NBAS: variants seen among roughly 807,000 people sequenced by gnomAD.
NBAS encodes NAG/BC035112 fusion.
Under a neutral mutation model 302.5 loss-of-function variants are expected in NBAS, and 219 were observed. The ratio of observed to expected loss-of-function variants is 0.72; its 90% CI spans 0.65 to 0.81. The LOEUF is 0.81. Ranked by LOEUF, NBAS falls within the 30% of genes least tolerant of loss-of-function variation. The pLI is 0.00. For synonymous variants in NBAS, 1,118 were observed against 1,021.6 expected, an observed-to-expected ratio of 1.09 and a Z score of -1.80; for missense variants, 2,932 against 2,841.6, an observed-to-expected ratio of 1.03 and a Z score of -0.72.
At chr2:15,170,352 T>A (rs530914763) in intron 51 of NBAS, among the ~76,000 whole-genome samples, 28 of 152,312 alleles carry the variant, frequency 1.8e-4, no homozygotes, top group Non-Finnish European at 3.4e-4. Context: ...AAGGGCAGGG[T>A]AGGCTGTCTT....
the NBAS span, among the ~76,000 whole-genome samples, chr2:15,115,681 T>G: frequency 6.6e-6 from 1 of 152,028 alleles, no homozygotes; most frequent in Non-Finnish European, 1.5e-5. Flanking sequence ...TAATTTTTTT[T>G]TTTAACTTTT....
the NBAS span, among the ~76,000 whole-genome samples, chr2:14,844,677 T>C: frequency 6.6e-6 from 1 of 152,070 alleles, no homozygotes; most frequent in Admixed American, 6.5e-5. Context: ...CCCACTGCCC[T>C]GAAGGGTGAG....
the NBAS span, among the ~76,000 whole-genome samples, chr2:15,070,832 T>C: frequency 1.9e-5 from 2 of 107,784 alleles, no homozygotes; most frequent in African/African-American, 5.1e-5. Flanking sequence ...AAAAGTACAG[T>C]TTCTTTGGAA....
the NBAS span, among the ~76,000 whole-genome samples, chr2:14,867,670 G>C: frequency 6.6e-6 from 1 of 152,292 alleles, no homozygotes; most frequent in Admixed American, 6.5e-5. Context: ...CATGATTGTT[G>C]TAAAAATGAG....
At chr2:14,995,731 T>C in the NBAS span, among the ~76,000 whole-genome samples, 5 of 152,158 alleles carry the variant, frequency 3.3e-5, no homozygotes, top group African/African-American at 9.7e-5. Flanking sequence ...ACTTCCCCCT[T>C]TTTTGATGCA....
chr2:15,372,657 G>A (rs566045355), intron 31 of NBAS, among the ~76,000 whole-genome samples: 22 of 152,212 alleles, frequency 1.4e-4, no homozygotes, highest in Non-Finnish European at 2.2e-4. Flanking sequence ...ATTCTAATAG[G>A]AAACTCCAAA....
chr2:15,435,948 GCAATAATTTTA>G (rs1280103066), intron 21 of NBAS, among the ~76,000 whole-genome samples: 1 of 152,076 alleles, frequency 6.6e-6, no homozygotes, highest in Non-Finnish European at 1.5e-5. Context: ...TAACATATAA[GCAATAATTTTA>G]ACTAACTTTA....
chr2:15,422,946 A>C (rs901777485), intron 23 of NBAS, among the ~76,000 whole-genome samples: 19 of 152,238 alleles, frequency 1.2e-4, no homozygotes, highest in African/African-American at 4.3e-4. Context: ...ATAACAGCAA[A>C]ACACATATAT....
intron 47 of NBAS, among the ~76,000 whole-genome samples, chr2:15,219,450 TC>T (rs1238982332): frequency 7.0e-6 from 1 of 142,392 alleles, no homozygotes; most frequent in African/African-American, 2.6e-5. Flanking sequence ...TCTCTGGTTT[TC>T]CTAGGCAGAG....
the NBAS span, among the ~76,000 whole-genome samples, chr2:15,106,343 G>C: frequency 6.6e-6 from 1 of 152,122 alleles, no homozygotes; most frequent in Non-Finnish European, 1.5e-5. Flanking sequence ...TAGAGGATGA[G>C]ACATTAAATC....
chr2:15,321,050 T>C (rs1671782121), intron 38 of NBAS, among the ~76,000 whole-genome samples: 3 of 152,084 alleles, frequency 2.0e-5, no homozygotes, highest in Admixed American at 1.3e-4. Flanking sequence ...AACAGAGATA[T>C]AGACCAATGG....
intron 44 of NBAS, among the ~76,000 whole-genome samples, chr2:15,239,058 T>C (rs1667736821): frequency 2.0e-5 from 3 of 152,024 alleles, no homozygotes; most frequent in Non-Finnish European, 4.4e-5. Flanking sequence ...GGCATAAAGA[T>C]TTTAACTGGA....
chr2:15,238,448 A>G lies in NBAS; in HGVS notation c.5943+20T>C, dbSNP rs776325647. 1 of 1,606,202 alleles carries G rather than the reference A, an allele frequency of 6.2e-7. No homozygotes were observed. The highest frequency in any genetic ancestry group is 8.5e-7 in the Non-Finnish European group (1 of 1,172,820). The stretch of plus-strand genomic sequence containing the variant: ...ATATACTGATACAGAGTGAGCATAT[A>G]GAAGTTCCCATTTCTTTACCTGCTC... On this transcript the variant is annotated intron_variant, in intron 45 of 51. Transcript: ENST00000281513.
the NBAS span, among the ~76,000 whole-genome samples, chr2:14,807,454 AGT>A: frequency 0.032 from 4,732 of 146,996 alleles, 131 homozygotes; most frequent in African/African-American, 0.074. Context: ...TGTGTGTGTG[AGT>A]GTGTGTGTGT....
chr2:15,277,461 A>C (rs1196901494), intron 42 of NBAS, among the ~76,000 whole-genome samples: 2 of 152,232 alleles, frequency 1.3e-5, no homozygotes, highest in Non-Finnish European at 2.9e-5. Context: ...ATTCATAAAA[A>C]GGGTTTAAAA....
intron 22 of NBAS, among the ~76,000 whole-genome samples, chr2:15,425,203 G>A (rs1386773289): frequency 6.6e-6 from 1 of 152,108 alleles, no homozygotes; most frequent in African/African-American, 2.4e-5. Flanking sequence ...ATGGGCATAT[G>A]TAAAAATGCT....
intron 21 of NBAS, among the ~76,000 whole-genome samples, chr2:15,435,432 A>G (rs1333503999): frequency 6.6e-6 from 1 of 152,232 alleles, no homozygotes; most frequent in East Asian, 1.9e-4. Context: ...GTACTTAACT[A>G]TCTGCAAGCA....
intron 51 of NBAS, among the ~76,000 whole-genome samples, chr2:15,170,816 G>A (rs1251159509): frequency 1.3e-5 from 2 of 152,132 alleles, no homozygotes; most frequent in South Asian, 2.1e-4. Flanking sequence ...TTAAAGAGTC[G>A]TCTGAGGTTC....
chr2:15,232,986 C>A (rs1667443775), intron 46 of NBAS, among the ~76,000 whole-genome samples: 1 of 151,870 alleles, frequency 6.6e-6, no homozygotes, highest in South Asian at 2.1e-4. Context: ...TATTATTATG[C>A]CCATTTTACA....
Sources: gnomAD v4.1 joint callset for allele counts (sites outside exome capture counted in the v4.1 genomes callset) on GRCh38, gnomAD v4.1.1 for gene constraint, MANE v1.5 for transcripts, NCBI Gene and HGNC (gene_info 2026-07-23, HGNC 2026-07-21) for gene names.